ENTPD1: variants seen among roughly 807,000 people sequenced by gnomAD.
ENTPD1 encodes ATP diphosphohydrolase.
ENTPD1 carries 33 observed loss-of-function variants against 57.0 expected under a neutral mutation model. That is an observed-to-expected ratio of 0.58 (90% CI 0.44 to 0.77). ENTPD1 has a LOEUF of 0.77. ENTPD1 is among the 30% of genes least tolerant of loss of function. ENTPD1 has a pLI of 0.00. For synonymous variants in ENTPD1, 202 were observed against 218.8 expected, an observed-to-expected ratio of 0.92 and a Z score of 0.68; for missense variants, 501 against 603.4, an observed-to-expected ratio of 0.83 and a Z score of 1.78.
intron 1 of ENTPD1, among the ~76,000 whole-genome samples, chr10:95,745,784 G>A (rs560051604): frequency 6.6e-5 from 10 of 152,282 alleles, no homozygotes; most frequent in Non-Finnish European, 1.3e-4. Flanking sequence ...TGTCTGCTGT[G>A]CTTGAAGCTG....
chr10:95,806,036 C>T (rs1473193061), intron 1 of ENTPD1, among the ~76,000 whole-genome samples: 3 of 152,182 alleles, frequency 2.0e-5, no homozygotes, highest in Admixed American at 2.0e-4. Flanking sequence ...GAATGTTGGC[C>T]TGCCTTGCTA....
intron 3 of ENTPD1, 74 bp downstream of exon 3, chr10:95,839,882 C>A: frequency 6.7e-7 from 1 of 1,481,950 alleles, no homozygotes; most frequent in Non-Finnish European, 9.4e-7. Flanking sequence ...ACCAGTAGAA[C>A]ACAAGAGAAA....
At chr10:95,743,143 T>G (rs2098002227) in intron 1 of ENTPD1, among the ~76,000 whole-genome samples, 1 of 152,228 alleles carries the variant, frequency 6.6e-6, no homozygotes, top group Non-Finnish European at 1.5e-5. Flanking sequence ...TTTCTCAGAC[T>G]TTTTATTTTT....
the ENTPD1 span, chr10:95,694,249 G>A: frequency 3.2e-6 from 1 of 309,278 alleles, no homozygotes; most frequent in Non-Finnish European, 6.1e-6. Flanking sequence ...GACTGAGCCC[G>A]GCCTCCGGTG....
intron 1 of ENTPD1, among the ~76,000 whole-genome samples, chr10:95,805,157 A>G (rs897464881): frequency 4.6e-5 from 7 of 152,140 alleles, no homozygotes; most frequent in Non-Finnish European, 7.4e-5. Context: ...GACTTGCTTT[A>G]TGAATCTGGG....
At chr10:95,744,747 G>A (rs1369184513) in intron 1 of ENTPD1, among the ~76,000 whole-genome samples, 2 of 152,054 alleles carry the variant, frequency 1.3e-5, no homozygotes, top group African/African-American at 4.8e-5. Flanking sequence ...GGGCTCCCTT[G>A]ACTTCCTGAA....
At chr10:95,743,654 T>C (rs2098002736) in intron 1 of ENTPD1, among the ~76,000 whole-genome samples, 1 of 152,216 alleles carries the variant, frequency 6.6e-6, no homozygotes, top group African/African-American at 2.4e-5. Context: ...TTTTATACTT[T>C]GGATTATCTT....
At position 95,867,265 on chromosome 10, in the gene ENTPD1, G is replaced by A. The variant is rs368541218; in HGVS notation, c.*882G>A. 75 of 971,228 alleles carry A rather than the reference G, an allele frequency of 7.7e-5. No homozygotes were observed. Among genetic ancestry groups the A allele is most frequent in the African/African-American group, 2.6e-4 (15 of 56,992 alleles). 60.2% of individuals were successfully genotyped at this position (971,228 alleles called of 1,614,324 possible). A position where few individuals can be genotyped will look rare whatever the true frequency, so the allele number is the denominator to read the frequency against. On this transcript the variant is annotated 3_prime_UTR_variant, in exon 10 of 10. Transcript: ENST00000371205. Reference sequence around the variant, plus strand: ...TTAACATTTAATTCATATTAAATACGTACAAATCAGTGACATTTAGTACAT... The same window carrying A: ...TTAACATTTAATTCATATTAAATACATACAAATCAGTGACATTTAGTACAT...
At chr10:95,745,697 T>C (rs765215694) in intron 1 of ENTPD1, among the ~76,000 whole-genome samples, 16 of 152,208 alleles carry the variant, frequency 1.1e-4, no homozygotes, top group Admixed American at 2.0e-4. Flanking sequence ...AGCACTGACT[T>C]CATTGAGTAC....
intron 1 of ENTPD1, among the ~76,000 whole-genome samples, chr10:95,793,832 A>G (rs2098215717): frequency 6.6e-6 from 1 of 152,138 alleles, no homozygotes; most frequent in Non-Finnish European, 1.5e-5. Flanking sequence ...CCACTGAGCC[A>G]CGGTGGGTGG....
At chr10:95,749,978 AGAT>A (rs2098010030) in intron 1 of ENTPD1, among the ~76,000 whole-genome samples, 1 of 152,186 alleles carries the variant, frequency 6.6e-6, no homozygotes, top group South Asian at 2.1e-4. Context: ...TACAGGTGAG[AGAT>A]GATGTGGCTT....
At chr10:95,716,717 C>T (rs996694414) in intron 1 of ENTPD1, among the ~76,000 whole-genome samples, 1 of 152,154 alleles carries the variant, frequency 6.6e-6, no homozygotes, top group Non-Finnish European at 1.5e-5. Flanking sequence ...ATGTGGCTTC[C>T]CAGTCTTAAA....
chr10:95,841,054 T>A (rs2098421397), intron 3 of ENTPD1, among the ~76,000 whole-genome samples: 1 of 152,190 alleles, frequency 6.6e-6, no homozygotes, highest in African/African-American at 2.4e-5. Context: ...TCCCTCATTT[T>A]ATTGGCTTTT....
chr10:95,744,846 C>T (rs1451020016), intron 1 of ENTPD1, among the ~76,000 whole-genome samples: 1 of 151,994 alleles, frequency 6.6e-6, no homozygotes, highest in South Asian at 2.1e-4. Flanking sequence ...GTCATGTATC[C>T]ACCATTACAG....
upstream of ENTPD1, among the ~76,000 whole-genome samples, chr10:95,708,314 A>G (rs931571478): frequency 6.6e-6 from 1 of 151,972 alleles, no homozygotes; most frequent in Non-Finnish European, 1.5e-5. Flanking sequence ...CCCTGGTTCA[A>G]GTGATTCTTC....
chr10:95,829,873 AT>A (rs1278910718), intron 2 of ENTPD1, among the ~76,000 whole-genome samples: 2 of 152,080 alleles, frequency 1.3e-5, no homozygotes, highest in African/African-American at 4.8e-5. Flanking sequence ...GAATGGATTA[AT>A]CCATTCATGG....
chr10:95,796,639 C>T (rs1220578758), intron 1 of ENTPD1, among the ~76,000 whole-genome samples: 1 of 152,132 alleles, frequency 6.6e-6, no homozygotes, highest in Non-Finnish European at 1.5e-5. Context: ...AACTGAAGAA[C>T]TTCATACTAG....
chr10:95,745,187 G>GT (rs369951386), intron 1 of ENTPD1, among the ~76,000 whole-genome samples: 15 of 151,926 alleles, frequency 9.9e-5, no homozygotes, highest in African/African-American at 3.1e-4. Context: ...TTTTTTAAAT[G>GT]TTTTTTTATT....
At position 95,870,141 on chromosome 10, in the gene ENTPD1, T is replaced by C. The variant is rs1590228995; in HGVS notation, c.*3758T>C. 1 of 985,436 alleles carries C rather than the reference T, an allele frequency of 1.0e-6. No homozygotes were observed. The highest frequency in any genetic ancestry group is 1.2e-6 in the Non-Finnish European group (1 of 829,926). 61.0% of individuals were successfully genotyped at this position (985,436 alleles called of 1,614,324 possible). On this transcript the variant is annotated 3_prime_UTR_variant, in exon 10 of 10. Coordinates refer to ENST00000371205, the MANE Select transcript of ENTPD1 (RefSeq NM_001776.6). ...GTTGTATTCCTCAGGTTTTGTTGCCTTCCCATGAAGATGTGAAGGCAGGGA... is the reference window on the plus strand; with the variant it reads ...GTTGTATTCCTCAGGTTTTGTTGCCCTCCCATGAAGATGTGAAGGCAGGGA...
Sources: allele counts gnomAD v4.1 joint callset (sites outside exome capture counted in the v4.1 genomes callset), GRCh38; gene constraint gnomAD v4.1.1; transcripts MANE v1.5; gene names NCBI Gene and HGNC (gene_info 2026-07-23, HGNC 2026-07-21).